Variants in SGCZ observed in about 807,000 individuals in gnomAD.
The protein encoded by SGCZ is zeta-sarcoglycan.
Under a neutral mutation model 41.3 loss-of-function variants are expected in SGCZ, and 40 were observed. That is an observed-to-expected ratio of 0.97 (90% CI 0.75 to 1.26). The LOEUF (loss-of-function observed/expected upper bound fraction) is 1.26, where lower values mean the gene tolerates loss of function less well. Ranked by LOEUF, SGCZ falls within the 50% of genes most tolerant of loss-of-function variation. The pLI is 0.00. For synonymous variants in SGCZ, 206 were observed against 137.5 expected (o/e 1.50, Z -3.49); for missense variants, 552 against 369.8 (o/e 1.49, Z -4.04).
intron 2 of SGCZ, among the ~76,000 whole-genome samples, chr8:14,443,308 G>T (rs1044892401): frequency 5.9e-5 from 9 of 152,056 alleles, no homozygotes; most frequent in South Asian, 2.1e-4. Flanking sequence ...TGGAAAAAAC[G>T]ACTTTAAAGT....
chr8:14,399,660 AAAG>A (rs1239204337), intron 2 of SGCZ, among the ~76,000 whole-genome samples: 11 of 152,142 alleles, frequency 7.2e-5, no homozygotes, highest in African/African-American at 2.4e-4. Flanking sequence ...GAATATTTGA[AAAG>A]AAGATAATAT....
intron 2 of SGCZ, among the ~76,000 whole-genome samples, chr8:14,494,331 G>A (rs557739099): frequency 6.6e-6 from 1 of 152,268 alleles, no homozygotes; most frequent in African/African-American, 2.4e-5. Context: ...CCTGCATAGG[G>A]TGGCTCAGCC....
chr8:14,220,906 T>G (rs1213205494), intron 4 of SGCZ, among the ~76,000 whole-genome samples: 1 of 152,130 alleles, frequency 6.6e-6, no homozygotes, highest in African/African-American at 2.4e-5. Flanking sequence ...TTATCTTAAG[T>G]TGTAGATGTT....
intron 5 of SGCZ, among the ~76,000 whole-genome samples, chr8:14,154,504 G>A (rs1012803396): frequency 1.3e-5 from 2 of 152,112 alleles, no homozygotes; most frequent in African/African-American, 2.4e-5. Flanking sequence ...TTTGTATTCT[G>A]AAACATGTTA....
chr8:14,118,779 T>G (rs962130506), intron 5 of SGCZ, among the ~76,000 whole-genome samples: 6 of 152,226 alleles, frequency 3.9e-5, no homozygotes, highest in African/African-American at 1.2e-4. Context: ...TTTCTGCATA[T>G]GGCTAGCCAG....
chr8:15,013,192 C>A (rs951470774), intron 1 of SGCZ, among the ~76,000 whole-genome samples: 2 of 152,174 alleles, frequency 1.3e-5, no homozygotes, highest in Admixed American at 6.5e-5. Flanking sequence ...AGATATATAT[C>A]CCATTTCTGA....
chr8:14,614,662 G>A (rs976200049), intron 1 of SGCZ, among the ~76,000 whole-genome samples: 2 of 152,058 alleles, frequency 1.3e-5, no homozygotes, highest in African/African-American at 4.8e-5. Context: ...TTCATAGTTG[G>A]AGTTAGAAAA....
At chr8:14,663,235 AAATTT>A (rs1254930203) in intron 1 of SGCZ, among the ~76,000 whole-genome samples, 2 of 152,168 alleles carry the variant, frequency 1.3e-5, no homozygotes, top group Non-Finnish European at 2.9e-5. Flanking sequence ...ATGATTTTGA[AAATTT>A]AATTTATTAG....
At chr8:14,220,249 T>G (rs1806146030) in intron 4 of SGCZ, among the ~76,000 whole-genome samples, 2 of 152,206 alleles carry the variant, frequency 1.3e-5, no homozygotes, top group Non-Finnish European at 2.9e-5. Flanking sequence ...TGTAGTGTAT[T>G]TATGAATGGA....
rs143752321 is a variant in SGCZ, at chr8:14,543,930, G to C, written c.234+10802C>G. Among the ~76,000 whole-genome samples, 9 of 152,200 alleles carry C rather than the reference G, an allele frequency of 5.9e-5. No homozygotes were observed. In the East Asian group the frequency reaches 1.7e-3, roughly 30 times the overall value. ...GATGAATTACTGTTAAATACTCTTAGAGATGTGTTATGGCCCATCACCAGT... is the reference window on the plus strand; with the variant it reads ...GATGAATTACTGTTAAATACTCTTACAGATGTGTTATGGCCCATCACCAGT... On this transcript the variant is annotated intron_variant, in intron 2 of 7. Transcript: ENST00000382080.
intron 1 of SGCZ, among the ~76,000 whole-genome samples, chr8:14,741,067 G>A (rs1239860205): frequency 6.6e-6 from 1 of 152,028 alleles, no homozygotes; most frequent in East Asian, 1.9e-4. Flanking sequence ...GGGAACAAAG[G>A]TTTTCTTGTA....
In SGCZ at chr8:14,682,146, A is replaced by G. The variant is rs1397981036; in HGVS notation, c.40-127220T>C. Among the ~76,000 whole-genome samples the G allele has an allele frequency of 1.1e-4, 17 of 152,212 alleles. No homozygotes were observed. The East Asian group carries it at 2.1e-3, about 19-fold the overall frequency. On this transcript the variant is annotated intron_variant, in intron 1 of 7. Coordinates refer to ENST00000382080, the MANE Select transcript of SGCZ (RefSeq NM_139167.4). ...TTCAAGCATGGATGGCAAAGGCTGG[A>G]AAGGTTCAGAGAATAGCCGATCAAT... is the stretch of plus-strand genomic sequence containing the variant.
chr8:14,839,225 G>T (rs1303616068), intron 1 of SGCZ, among the ~76,000 whole-genome samples: 1 of 151,876 alleles, frequency 6.6e-6, no homozygotes, highest in Non-Finnish European at 1.5e-5. Context: ...TTTGATATGG[G>T]GTATAGAAAG....
At chr8:14,154,455 T>A (rs763641209) in intron 5 of SGCZ, among the ~76,000 whole-genome samples, 18 of 152,206 alleles carry the variant, frequency 1.2e-4, no homozygotes, top group Non-Finnish European at 2.1e-4. Flanking sequence ...TATTTTGTTA[T>A]GGGACCCTAA....
At chr8:15,115,659 T>C (rs1807241897) in intron 1 of SGCZ, among the ~76,000 whole-genome samples, 1 of 152,200 alleles carries the variant, frequency 6.6e-6, no homozygotes, top group African/African-American at 2.4e-5. Flanking sequence ...AATGTTAGTA[T>C]GCAGAGAAAA....
At chr8:14,175,215 G>T (rs1214913511) in intron 4 of SGCZ, among the ~76,000 whole-genome samples, 1 of 152,002 alleles carries the variant, frequency 6.6e-6, no homozygotes, top group African/African-American at 2.4e-5. Flanking sequence ...AGGTTGAATG[G>T]CCAAAGATAT....
intron 1 of SGCZ, among the ~76,000 whole-genome samples, chr8:15,042,166 T>C (rs1336122057): frequency 6.6e-6 from 1 of 152,110 alleles, no homozygotes; most frequent in Admixed American, 6.5e-5. Flanking sequence ...ATGAGAAACT[T>C]TCTAAAAACA....
chr8:15,194,222 CACACA>C (rs1417566682), intron 1 of SGCZ, among the ~76,000 whole-genome samples: 11 of 151,170 alleles, frequency 7.3e-5, no homozygotes, highest in African/African-American at 2.4e-4. Flanking sequence ...CACACACACA[CACACA>C]CCACAACCCT....
chr8:14,521,671 C>T (rs1436275325), intron 2 of SGCZ, among the ~76,000 whole-genome samples: 1 of 152,048 alleles, frequency 6.6e-6, no homozygotes, highest in African/African-American at 2.4e-5. Context: ...TGTAGAATAA[C>T]TGAGTCATGT....
Sources: gnomAD v4.1 joint callset for allele counts (sites outside exome capture counted in the v4.1 genomes callset) on GRCh38, gnomAD v4.1.1 for gene constraint, MANE v1.5 for transcripts, NCBI Gene and HGNC (gene_info 2026-07-23, HGNC 2026-07-21) for gene names.